Variants in NTN1 observed in about 807,000 individuals in gnomAD.
The protein encoded by NTN1 is netrin 1, also known as netrin-1.
A neutral mutation model predicts 54.2 loss-of-function variants in NTN1; 11 were observed. The observed-to-expected ratio is 0.20, with a 90% CI of 0.13 to 0.34. The LOEUF (loss-of-function observed/expected upper bound fraction) is 0.34. Ranked by LOEUF, NTN1 falls within the 10% of genes least tolerant of loss-of-function variation. The probability of loss-of-function intolerance (pLI) is 1.00; values close to 1 mark genes in which losing one functional copy is unlikely to be tolerated. For missense variants in NTN1, 740 were observed against 893.1 expected, an observed-to-expected ratio of 0.83 and a Z score of 2.18; for synonymous variants, 371 against 382.0, an observed-to-expected ratio of 0.97 and a Z score of 0.33.
At chr17:9,023,509 G>A in intron 2 of NTN1, 118 bp downstream of exon 2, 1 of 1,210,942 alleles carries the variant, frequency 8.3e-7, no homozygotes, top group Non-Finnish European at 1.1e-6. Context: ...AGGCGCGTTC[G>A]CCGATGCCCG....
At chr17:9,176,959 G>A (rs1453956626) in intron 3 of NTN1, 1 of 152,248 alleles carries the variant, frequency 6.6e-6, no homozygotes, top group Non-Finnish European at 1.5e-5. Flanking sequence ...AGAGAGTGTG[G>A]ATGTGCTAAG....
chr17:9,203,898 A>G (rs1904885408), intron 5 of NTN1, among the ~76,000 whole-genome samples: 2 of 152,240 alleles, frequency 1.3e-5, no homozygotes, highest in South Asian at 2.1e-4. Flanking sequence ...TCTAAAAACC[A>G]TGCCCTCTAA....
intron 2 of NTN1, among the ~76,000 whole-genome samples, chr17:9,155,976 CAG>C (rs1166757073): frequency 6.6e-6 from 1 of 152,160 alleles, no homozygotes; most frequent in East Asian, 1.9e-4. Context: ...CCCTCTCCCT[CAG>C]GGAATTTGTG....
rs547730540 is a variant in NTN1, at chr17:9,066,655, T to C, written c.1018+43264T>C. On this transcript the variant is annotated intron_variant, in intron 2 of 6. Coordinates refer to ENST00000173229, the MANE Select transcript of NTN1 (RefSeq NM_004822.3). The stretch of plus-strand genomic sequence containing the variant: ...AGAAAAAAAAATTCAATAGCAGATA[T>C]ACAGAATGGTAGAACTTAACCATGG... 4.7e-5 allele frequency among the ~76,000 whole-genome samples: 7 copies of C among 150,036 alleles called. 1 individual carries two copies. In the East Asian group the frequency reaches 1.4e-3, roughly 30 times the overall value.
the NTN1 span, among the ~76,000 whole-genome samples, chr17:9,005,554 A>C: frequency 1.3e-5 from 2 of 152,138 alleles, no homozygotes; most frequent in Non-Finnish European, 2.9e-5. Context: ...ATGTTGATGC[A>C]GGTGGTATAA....
intron 2 of NTN1, among the ~76,000 whole-genome samples, chr17:9,096,791 T>C (rs2092133673): frequency 6.6e-6 from 1 of 152,252 alleles, no homozygotes; most frequent in Non-Finnish European, 1.5e-5. Flanking sequence ...GGGATGATAA[T>C]AGCAGGCGTC....
At chr17:9,044,099 A>G (rs570756865) in intron 2 of NTN1, among the ~76,000 whole-genome samples, 1 of 152,120 alleles carries the variant, frequency 6.6e-6, no homozygotes, top group Non-Finnish European at 1.5e-5. Flanking sequence ...CACTGTTTTT[A>G]CAATGACTGT....
At chr17:9,183,140 C>T (rs2092423907) in intron 5 of NTN1, 171 bp downstream of exon 5, 3 of 717,794 alleles carry the variant, frequency 4.2e-6, no homozygotes, top group Non-Finnish European at 7.6e-6. Flanking sequence ...AGCTATAGGA[C>T]ACTATTTTGT....
chr17:9,190,968 G>A (rs1013925055), intron 5 of NTN1, among the ~76,000 whole-genome samples: 1 of 152,162 alleles, frequency 6.6e-6, no homozygotes, highest in Non-Finnish European at 1.5e-5. Context: ...ATGGTCCTGG[G>A]AAAACCGGCT....
chr17:9,202,029 T>TACACACACACACACACAC lies in NTN1; in HGVS notation c.1411+19070_1411+19087dup, dbSNP rs1200661283. On this transcript the variant is annotated intron_variant, in intron 5 of 6. Coordinates refer to ENST00000173229, the MANE Select transcript of NTN1 (RefSeq NM_004822.3). ...GGTGAAACCCCGTCTCTACTAAAAA[T>TACACACACACACACACAC]ACACACACACACACACACACACACA... 9.1e-3 allele frequency among the ~76,000 whole-genome samples: 244 copies of TACACACACACACACACAC among 26,830 alleles called. 11 individuals are homozygous for TACACACACACACACACAC. The highest frequency in any genetic ancestry group is 0.01 in the Non-Finnish European group (167 of 15,946). 17.6% of individuals were successfully genotyped at this position (26,830 alleles called of 152,430 possible).
chr17:9,238,783 G>A (rs978852230), intron 6 of NTN1, among the ~76,000 whole-genome samples: 1 of 152,188 alleles, frequency 6.6e-6, no homozygotes, highest in Non-Finnish European at 1.5e-5. Context: ...TTGCAGAAAT[G>A]ACATCTGGTA....
At chr17:9,049,146 A>G (rs1027426150) in intron 2 of NTN1, among the ~76,000 whole-genome samples, 4 of 152,210 alleles carry the variant, frequency 2.6e-5, no homozygotes, top group Non-Finnish European at 5.9e-5. Flanking sequence ...ATGAAATGAA[A>G]GAAAGAATGG....
Position 9,212,705 on chromosome 17 carries a change from C to T in NTN1, c.1412-8463C>T, listed in dbSNP as rs1274632525. ...TCCAGGTTTCTCTGCCCGGGGAGGA[C>T]AGACCATGTTGGCTGGGTGTCCCTC... On this transcript the variant is annotated intron_variant, in intron 5 of 6. Coordinates refer to ENST00000173229, the MANE Select transcript of NTN1 (RefSeq NM_004822.3). The surrounding 1 kb of genome is among the most constrained non-coding windows in gnomAD (Gnocchi z 5.5). 6.6e-6 allele frequency among the ~76,000 whole-genome samples: 1 copy of T among 152,208 alleles called. No homozygotes were observed. Among genetic ancestry groups the T allele is most frequent in the East Asian group, 1.9e-4 (1 of 5,182 alleles).
chr17:9,049,279 G>C (rs1411727219), intron 2 of NTN1, among the ~76,000 whole-genome samples: 7 of 152,210 alleles, frequency 4.6e-5, no homozygotes, highest in Non-Finnish European at 1.0e-4. Context: ...CATAATGCTA[G>C]TTAGAGTACC....
chr17:9,129,366 G>A lies in NTN1; in HGVS notation c.1019-33447G>A, dbSNP rs559897319. Among the ~76,000 whole-genome samples the A allele has an allele frequency of 2.0e-5, 3 of 152,198 alleles. 1 individual carries two copies. Among genetic ancestry groups the A allele is most frequent in the African/African-American group, 7.2e-5 (3 of 41,536 alleles). On this transcript the variant is annotated intron_variant, in intron 2 of 6. Transcript: ENST00000173229. ...ACAGCTGAGGGGAGGTGGTGGAGCT[G>A]GAGCGGCTGAGCTGCTGAATTGTGA... is the stretch of plus-strand genomic sequence containing the variant.
At chr17:9,232,355 G>A (rs1567747719) in intron 6 of NTN1, among the ~76,000 whole-genome samples, 1 of 152,206 alleles carries the variant, frequency 6.6e-6, no homozygotes, top group Non-Finnish European at 1.5e-5. Flanking sequence ...TCTTCTCACT[G>A]CTGAGCCTCA....
intron 2 of NTN1, among the ~76,000 whole-genome samples, chr17:9,133,609 G>C (rs1300522689): frequency 7.2e-6 from 1 of 138,806 alleles, no homozygotes; most frequent in Non-Finnish European, 1.5e-5. Context: ...TTTTTTTTGA[G>C]ACAGAGTCTT....
In NTN1 at chr17:9,094,902, T is replaced by C. The variant is rs576623779; in HGVS notation, c.1019-67911T>C. ...TACTCAGGAGGCTGAGGCAGGAGAA[T>C]CGCTTGAATGCAGGAGGCAGAGGTT... is the stretch of plus-strand genomic sequence containing the variant. On this transcript the variant is annotated intron_variant, in intron 2 of 6. Transcript: ENST00000173229. 5.4e-5 allele frequency among the ~76,000 whole-genome samples: 8 copies of C among 147,868 alleles called. No individual in the cohort carries two copies. The East Asian group carries it at 1.6e-3, about 30-fold the overall frequency.
chr17:9,071,647 C>T (rs941197696), intron 2 of NTN1, among the ~76,000 whole-genome samples: 1 of 152,226 alleles, frequency 6.6e-6, no homozygotes, highest in South Asian at 2.1e-4. Flanking sequence ...TGCCCACCTG[C>T]CTGCCCATGG....
Sources: gnomAD v4.1 joint callset for allele counts (sites outside exome capture counted in the v4.1 genomes callset) on GRCh38, gnomAD v4.1.1 for gene constraint, Gnocchi (gnomAD v3.1) non-coding constraint, MANE v1.5 for transcripts, NCBI Gene and HGNC (gene_info 2026-07-23, HGNC 2026-07-21) for gene names.